RARB: variants seen among roughly 807,000 people sequenced by gnomAD.
RARB encodes the protein HBV-activated protein.
Under a neutral mutation model 51.9 loss-of-function variants are expected in RARB, and 17 were observed. That is an observed-to-expected ratio of 0.33 (90% CI 0.22 to 0.49). RARB has a LOEUF of 0.49. RARB is among the 20% of genes least tolerant of loss of function. RARB has a pLI of 0.99. For missense variants in RARB, 369 were observed against 550.8 expected (o/e 0.67, Z 3.30); for synonymous variants, 215 against 195.4 (o/e 1.10, Z -0.84).
At chr3:24,953,933 A>G (rs1033661176) in intron 2 of RARB, among the ~76,000 whole-genome samples, 16 of 152,324 alleles carry the variant, frequency 1.1e-4, no homozygotes, top group African/African-American at 3.8e-4. Context: ...TCTTTATTTT[A>G]CAGTAAATCG....
chr3:25,462,910 A>T (rs952126201), intron 2 of RARB, among the ~76,000 whole-genome samples: 2 of 152,232 alleles, frequency 1.3e-5, no homozygotes, highest in African/African-American at 4.8e-5. Context: ...GCTAAGAAGC[A>T]TCTCATTACT....
At chr3:25,257,376 G>C (rs543814303) in intron 5 of RARB, among the ~76,000 whole-genome samples, 1 of 151,990 alleles carries the variant, frequency 6.6e-6, no homozygotes, top group African/African-American at 2.4e-5. Flanking sequence ...CGTATGAACA[G>C]GGCATTTAGC....
chr3:25,144,271 A>G (rs1209228474), intron 4 of RARB, among the ~76,000 whole-genome samples: 1 of 152,172 alleles, frequency 6.6e-6, no homozygotes, highest in Non-Finnish European at 1.5e-5. Context: ...GAGGATTCAG[A>G]ATCGAAGAGG....
intron 2 of RARB, among the ~76,000 whole-genome samples, chr3:24,875,086 T>G (rs6550922): frequency 0.74 from 111,886 of 151,982 alleles, 42,228 homozygotes; most frequent in African/African-American, 0.89. Context: ...AGATTTTGGT[T>G]CTATCTTTTT....
intron 2 of RARB, among the ~76,000 whole-genome samples, chr3:24,905,405 T>A (rs1416383583): frequency 6.6e-6 from 1 of 152,240 alleles, no homozygotes; most frequent in Non-Finnish European, 1.5e-5. Flanking sequence ...TTGACACATC[T>A]GACCACATCT....
At chr3:24,986,242 A>G (rs1322347309) in intron 2 of RARB, among the ~76,000 whole-genome samples, 3 of 152,228 alleles carry the variant, frequency 2.0e-5, no homozygotes, top group Admixed American at 6.5e-5. Context: ...TTAAAATTAT[A>G]CAGAACATGT....
intron 2 of RARB, among the ~76,000 whole-genome samples, chr3:25,043,962 G>C (rs376657055): frequency 4.3e-4 from 66 of 152,176 alleles, no homozygotes; most frequent in African/African-American, 1.6e-3. Context: ...ATGTGTGTGT[G>C]GATATGGAGT....
At chr3:24,856,884 C>T (rs983397454) in intron 1 of RARB, among the ~76,000 whole-genome samples, 3 of 152,138 alleles carry the variant, frequency 2.0e-5, no homozygotes, top group African/African-American at 7.2e-5. Flanking sequence ...CCTCTTTTCA[C>T]ATTGAAATGA....
rs558523294 is a variant in RARB at position 25,498,977 on chromosome 3, G to C, written c.307-2205G>C. Reference sequence around the variant, plus strand: ...GTTATTTTAGATTCTAAGCACATTTGTAGTTCCAGTGGCACAAAAATAAAC... The same window carrying C: ...GTTATTTTAGATTCTAAGCACATTTCTAGTTCCAGTGGCACAAAAATAAAC... On this transcript the variant is annotated intron_variant, in intron 2 of 7. Transcript: ENST00000330688. Among the ~76,000 whole-genome samples, 6 of 152,310 alleles carry C rather than the reference G, an allele frequency of 3.9e-5. No homozygotes were observed. The South Asian group carries it at 1.2e-3, about 32-fold the overall frequency.
intron 1 of RARB, among the ~76,000 whole-genome samples, chr3:25,456,682 T>TATATATATAGAGAGAG (rs1491372969): frequency 5.7e-5 from 5 of 88,392 alleles, no homozygotes; most frequent in East Asian, 3.7e-4. Flanking sequence ...TATATATATA[T>TATATATATAGAGAGAG]AGAGAGAGAG....
At chr3:24,860,593 CATAA>C (rs1702732287) in intron 2 of RARB, among the ~76,000 whole-genome samples, 1 of 152,106 alleles carries the variant, frequency 6.6e-6, no homozygotes, top group Admixed American at 6.5e-5. Flanking sequence ...TCTATACACA[CATAA>C]ATAAATAATT....
At chr3:25,443,843 A>G (rs572921867) in intron 1 of RARB, among the ~76,000 whole-genome samples, 1 of 151,444 alleles carries the variant, frequency 6.6e-6, no homozygotes, top group Non-Finnish European at 1.5e-5. Context: ...AGACAGGAGA[A>G]TCACTTGAAC....
intron 5 of RARB, among the ~76,000 whole-genome samples, chr3:25,313,659 C>T (rs548246602): frequency 6.6e-6 from 1 of 152,284 alleles, no homozygotes; most frequent in African/African-American, 2.4e-5. Context: ...TCCTAAGCTC[C>T]TGTGTCAGCA....
At chr3:25,499,896 G>A (rs1430700747) in intron 2 of RARB, among the ~76,000 whole-genome samples, 1 of 152,192 alleles carries the variant, frequency 6.6e-6, no homozygotes, top group African/African-American at 2.4e-5. Flanking sequence ...CATCTGGTCA[G>A]AAATGTTTTG....
intron 1 of RARB, among the ~76,000 whole-genome samples, chr3:25,450,661 C>T (rs1026072046): frequency 6.6e-6 from 1 of 152,122 alleles, no homozygotes; most frequent in Non-Finnish European, 1.5e-5. Context: ...CTGTCCTGGG[C>T]ATTGTGAGAT....
At chr3:25,212,726 A>G (rs1382694076) in intron 5 of RARB, among the ~76,000 whole-genome samples, 1 of 149,482 alleles carries the variant, frequency 6.7e-6, no homozygotes, top group African/African-American at 2.5e-5. Flanking sequence ...ATCTGATGCT[A>G]TTTCCATAAA....
rs1559366440 is a variant in RARB, at chr3:24,832,628, A to ATATATATATATATATAT, written c.-459+3225_-459+3226insTATATATATATATATAT. On this transcript the variant is annotated intron_variant, in intron 1 of 11. Coordinates refer to the RARB transcript ENST00000383772. The stretch of plus-strand genomic sequence containing the variant: ...CTGTATTTAGAAAAAATTGAGTCCC[A>ATATATATATATATATAT]ATATATATATATATATATATATAAT... Among the ~76,000 whole-genome samples, 252 of 88,418 alleles carry ATATATATATATATATAT rather than the reference A, an allele frequency of 2.9e-3. 5 individuals carry two copies. Among genetic ancestry groups the ATATATATATATATATAT allele is most frequent in the African/African-American group, 7.7e-3 (166 of 21,546 alleles). The allele number at this position is 88,418 out of a possible 152,430, so 58.0% of individuals were successfully genotyped here.
intron 5 of RARB, among the ~76,000 whole-genome samples, chr3:25,388,425 T>C (rs1375876466): frequency 6.6e-6 from 1 of 152,232 alleles, no homozygotes; most frequent in African/African-American, 2.4e-5. Context: ...TCTTCTTTAA[T>C]ATCAGAGCAT....
At chr3:25,574,682 A>G (rs1174006543) in intron 4 of RARB, among the ~76,000 whole-genome samples, 1 of 152,256 alleles carries the variant, frequency 6.6e-6, no homozygotes, top group Non-Finnish European at 1.5e-5. Context: ...TGAAGATTTA[A>G]GAAGCCCTTA....
Sources: allele counts gnomAD v4.1 joint callset (sites outside exome capture counted in the v4.1 genomes callset), GRCh38; gene constraint gnomAD v4.1.1; transcripts MANE v1.5; gene names NCBI Gene and HGNC (gene_info 2026-07-23, HGNC 2026-07-21).